Variants in CDH12 observed in about 807,000 individuals in gnomAD.
CDH12 encodes the protein cadherin 12.
CDH12 carries 41 observed loss-of-function variants against 74.1 expected under a neutral mutation model. The ratio of observed to expected loss-of-function variants is 0.55; its 90% CI spans 0.43 to 0.72. The LOEUF (loss-of-function observed/expected upper bound fraction) is 0.72, where lower values mean the gene tolerates loss of function less well. Ranked by LOEUF, CDH12 falls within the 30% of genes least tolerant of loss-of-function variation. CDH12 has a pLI of 0.00. For synonymous variants in CDH12, 399 were observed against 355.0 expected (o/e 1.12, Z -1.39); for missense variants, 945 against 977.2 (o/e 0.97, Z 0.44).
intron 9 of CDH12, among the ~76,000 whole-genome samples, chr5:21,803,836 A>G (rs1747274497): frequency 6.6e-6 from 1 of 152,172 alleles, no homozygotes; most frequent in African/African-American, 2.4e-5. Context: ...GGAAGGATGG[A>G]TATTTTTCTC....
chr5:22,418,608 G>T (rs940677797), intron 2 of CDH12, among the ~76,000 whole-genome samples: 1 of 152,096 alleles, frequency 6.6e-6, no homozygotes, highest in African/African-American at 2.4e-5. Context: ...TATTGGCCCG[G>T]CACGGTAGCT....
intron 1 of CDH12, among the ~76,000 whole-genome samples, chr5:22,741,463 T>C (rs1053526488): frequency 5.9e-5 from 9 of 152,202 alleles, no homozygotes; most frequent in African/African-American, 1.2e-4. Flanking sequence ...CAAACCAAAC[T>C]GGTTTAAATG....
intron 1 of CDH12, among the ~76,000 whole-genome samples, chr5:22,670,303 T>C (rs1740839159): frequency 6.6e-6 from 1 of 152,060 alleles, no homozygotes; most frequent in South Asian, 2.1e-4. Context: ...ACAAGTGTGA[T>C]CCACCATGCC....
chr5:22,527,180 T>C (rs1737323159), intron 1 of CDH12, among the ~76,000 whole-genome samples: 1 of 152,098 alleles, frequency 6.6e-6, no homozygotes, highest in Non-Finnish European at 1.5e-5. Context: ...TGGGAAAGGG[T>C]AAAAGAAAGA....
chr5:22,791,357 A>G (rs1053926486), intron 1 of CDH12, among the ~76,000 whole-genome samples: 4 of 152,194 alleles, frequency 2.6e-5, no homozygotes, highest in African/African-American at 9.6e-5. Context: ...ACAAAAGAGT[A>G]ATGATATAAG....
At chr5:22,456,107 T>TAATATATATATATA (rs930081484) in intron 2 of CDH12, among the ~76,000 whole-genome samples, 2 of 147,812 alleles carry the variant, frequency 1.4e-5, no homozygotes, top group African/African-American at 5.0e-5. Flanking sequence ...CATGTGGATA[T>TAATATATATATATA]TATATATATA....
chr5:22,845,956 C>T (rs566703324), intron 1 of CDH12, among the ~76,000 whole-genome samples: 10 of 151,962 alleles, frequency 6.6e-5, no homozygotes, highest in South Asian at 4.2e-4. Flanking sequence ...GTGTCTGGAG[C>T]GAAGGTGACT....
intron 11 of CDH12, among the ~76,000 whole-genome samples, chr5:21,777,320 C>CTATTT (rs1172509594): frequency 4.1e-5 from 6 of 147,222 alleles, no homozygotes; most frequent in Non-Finnish European, 1.5e-5. Context: ...TTTTTCTATT[C>CTATTT]TGAGTCTCTG....
At chr5:22,701,476 A>T (rs941202317) in intron 1 of CDH12, among the ~76,000 whole-genome samples, 1 of 152,140 alleles carries the variant, frequency 6.6e-6, no homozygotes, top group Admixed American at 6.5e-5. Flanking sequence ...TCCTGAAAAC[A>T]AAATTGAACT....
chr5:22,427,890 A>T (rs1260107999), intron 2 of CDH12, among the ~76,000 whole-genome samples: 1 of 152,180 alleles, frequency 6.6e-6, no homozygotes, highest in African/African-American at 2.4e-5. Flanking sequence ...CACCCAAAAA[A>T]AAGTCATTTT....
intron 3 of CDH12, among the ~76,000 whole-genome samples, chr5:22,341,314 A>G (rs1018130490): frequency 7.2e-5 from 11 of 152,132 alleles, no homozygotes; most frequent in Non-Finnish European, 1.5e-4. Context: ...TGATACCCCT[A>G]TCTCTACAAA....
chr5:22,378,465 T>A (rs1312544620), intron 3 of CDH12, among the ~76,000 whole-genome samples: 1 of 152,050 alleles, frequency 6.6e-6, no homozygotes, highest in East Asian at 1.9e-4. Flanking sequence ...ACAAAAGTAG[T>A]TGTGATAAGT....
intron 6 of CDH12, chr5:21,882,444 T>C: frequency 1.6e-6 from 1 of 624,206 alleles, no homozygotes; most frequent in South Asian, 2.0e-5. Flanking sequence ...GCTCTCATAA[T>C]TTGGCAGATG....
intron 4 of CDH12, among the ~76,000 whole-genome samples, chr5:22,081,184 C>G (rs1256495652): frequency 1.3e-5 from 2 of 152,052 alleles, no homozygotes; most frequent in Admixed American, 1.3e-4. Context: ...TTAGACAATA[C>G]AGTTTGAATC....
chr5:21,766,467 T>C (rs1022881969), intron 11 of CDH12, among the ~76,000 whole-genome samples: 2 of 151,968 alleles, frequency 1.3e-5, no homozygotes, highest in Non-Finnish European at 2.9e-5. Flanking sequence ...GGCCCGGTTT[T>C]CACAAGTTGT....
At chr5:22,533,627 A>T (rs1327839026) in intron 1 of CDH12, among the ~76,000 whole-genome samples, 1 of 152,158 alleles carries the variant, frequency 6.6e-6, no homozygotes, top group Non-Finnish European at 1.5e-5. Flanking sequence ...ATAAAACAGC[A>T]TAGACACCAC....
At chr5:22,126,622 T>C (rs537590554) in intron 4 of CDH12, among the ~76,000 whole-genome samples, 1 of 152,366 alleles carries the variant, frequency 6.6e-6, no homozygotes, top group East Asian at 1.9e-4. Flanking sequence ...TGTTCTATTC[T>C]ATTTGAGTAT....
intron 1 of CDH12, among the ~76,000 whole-genome samples, chr5:22,649,401 C>T (rs1739611606): frequency 6.6e-6 from 1 of 151,980 alleles, no homozygotes; most frequent in South Asian, 2.1e-4. Context: ...TCTTTCTATG[C>T]ATTGTGGTAC....
At chr5:21,995,912 G>A (rs1028572548) in intron 5 of CDH12, among the ~76,000 whole-genome samples, 1 of 151,894 alleles carries the variant, frequency 6.6e-6, no homozygotes, top group African/African-American at 2.4e-5. Flanking sequence ...CCGTGATCAT[G>A]CTATGCTTAC....
Sources: allele counts gnomAD v4.1 joint callset (sites outside exome capture counted in the v4.1 genomes callset), GRCh38; gene constraint gnomAD v4.1.1; transcripts MANE v1.5; gene names NCBI Gene and HGNC (gene_info 2026-07-23, HGNC 2026-07-21).